The following MAGI1 variants were observed in gnomAD, a reference collection of about 807,000 sequenced individuals.
MAGI1 encodes the protein membrane-associated guanylate kinase, WW and PDZ domain-containing protein 1.
MAGI1 carries 58 observed loss-of-function variants against 139.9 expected under a neutral mutation model. That is an observed-to-expected ratio of 0.41 (90% confidence interval 0.34 to 0.52). The LOEUF (loss-of-function observed/expected upper bound fraction) is 0.52. MAGI1 is among the 20% of genes least tolerant of loss of function. The probability of loss-of-function intolerance (pLI) is 0.12; values close to 1 mark genes in which losing one functional copy is unlikely to be tolerated. For missense variants in MAGI1, 1,874 were observed against 1,901.6 expected (o/e 0.99, Z 0.27); for synonymous variants, 812 against 737.9 (o/e 1.10, Z -1.63).
intron 1 of MAGI1, among the ~76,000 whole-genome samples, chr3:65,783,465 T>A (rs746984183): frequency 6.6e-6 from 1 of 151,336 alleles, no homozygotes; most frequent in Non-Finnish European, 1.5e-5. Flanking sequence ...CTGGACAACA[T>A]AATGAGACTC....
intron 5 of MAGI1, among the ~76,000 whole-genome samples, chr3:65,456,923 T>C (rs1173972077): frequency 1.3e-5 from 2 of 152,206 alleles, no homozygotes; most frequent in East Asian, 3.9e-4. Context: ...TCTTTATTAT[T>C]GTGACTATAT....
intron 1 of MAGI1, among the ~76,000 whole-genome samples, chr3:65,958,630 T>C (rs1256121750): frequency 6.6e-6 from 1 of 152,168 alleles, no homozygotes; most frequent in Non-Finnish European, 1.5e-5. Context: ...GACAACAGAG[T>C]TCCGGGTAAT....
chr3:65,590,452 G>A (rs964090900), intron 2 of MAGI1, among the ~76,000 whole-genome samples: 10 of 152,002 alleles, frequency 6.6e-5, no homozygotes, highest in African/African-American at 2.2e-4. Flanking sequence ...GAATTCACTC[G>A]GTGCTCTTAA....
Position 65,375,797 on chromosome 3 carries a change from G to C in MAGI1, c.3144C>G (p.Asn1048Lys). 6.2e-7 allele frequency: 1 copy of C among 1,614,048 alleles called. No homozygotes were observed. Among genetic ancestry groups the C allele is most frequent in the Non-Finnish European group, 8.5e-7 (1 of 1,180,002 alleles). The change falls in exon 18 of 23, where the codon AAC becomes AAG. Residue 1048 changes from asparagine (N) to lysine (K), a missense_variant. Asn to Lys is a moderately conservative substitution (Grantham distance 94). Around this residue, in one of 5 missense-constraint regions of MAGI1, gnomAD observed 653 missense variants for 644.5 expected, o/e 1.01. Coordinates refer to ENST00000402939, the MANE Select transcript of MAGI1 (RefSeq NM_001033057.2). ...CTGTGTTTCCCGCTTCCTTGATTAG[G>C]TTCACAATGTCTGAATGGGATTTGT... ...ITNKSHSDIVNLIKEAGNTVT... is the reference protein window; with the variant it reads ...ITNKSHSDIVKLIKEAGNTVT...
chr3:65,389,949 C>T (rs187279055), intron 14 of MAGI1, among the ~76,000 whole-genome samples: 1 of 152,222 alleles, frequency 6.6e-6, no homozygotes, highest in Non-Finnish European at 1.5e-5. Flanking sequence ...CCTCTGCCCC[C>T]CAACTGCTGA....
At chr3:65,549,594 A>G (rs1490508990) in intron 2 of MAGI1, 1 of 475,256 alleles carries the variant, frequency 2.1e-6, no homozygotes, top group Non-Finnish European at 2.7e-6. Context: ...AGCGGCGTCA[A>G]TGCGCGCTAT....
At chr3:65,891,292 C>G (rs1175008885) in intron 1 of MAGI1, among the ~76,000 whole-genome samples, 1 of 151,066 alleles carries the variant, frequency 6.6e-6, no homozygotes, top group African/African-American at 2.4e-5. Flanking sequence ...ACATGGACAA[C>G]TACTTGCTCT....
At chr3:65,834,518 C>A (rs370614641) in intron 1 of MAGI1, among the ~76,000 whole-genome samples, 1 of 152,172 alleles carries the variant, frequency 6.6e-6, no homozygotes, top group Non-Finnish European at 1.5e-5. Flanking sequence ...TCTTGGTATA[C>A]GATCTGTAGG....
intron 22 of MAGI1, among the ~76,000 whole-genome samples, chr3:65,357,426 T>A (rs1027042919): frequency 6.6e-6 from 1 of 152,040 alleles, no homozygotes; most frequent in Non-Finnish European, 1.5e-5. Flanking sequence ...AAAGGCACAA[T>A]CCAAATAGTC....
intron 1 of MAGI1, among the ~76,000 whole-genome samples, chr3:66,002,117 A>G (rs2066773512): frequency 1.3e-5 from 2 of 152,224 alleles, no homozygotes; most frequent in African/African-American, 4.8e-5. Flanking sequence ...TCTCTTGGCA[A>G]TAAAGGGGCC....
chr3:65,493,959 A>G (rs901093769), intron 2 of MAGI1, among the ~76,000 whole-genome samples: 1 of 152,240 alleles, frequency 6.6e-6, no homozygotes, highest in South Asian at 2.1e-4. Context: ...CAACATTCAC[A>G]GTCAGCAGCT....
At chr3:65,494,560 G>A (rs985304589) in intron 2 of MAGI1, among the ~76,000 whole-genome samples, 4 of 152,170 alleles carry the variant, frequency 2.6e-5, no homozygotes, top group Non-Finnish European at 1.5e-5. Context: ...AGCAAAAAAT[G>A]TGACTTCTGC....
chr3:65,428,758 T>A (rs1947256380), intron 12 of MAGI1, among the ~76,000 whole-genome samples: 1 of 152,122 alleles, frequency 6.6e-6, no homozygotes, highest in South Asian at 2.1e-4. Context: ...CGTCTTGTGC[T>A]AAAAAGGTGA....
At chr3:65,900,505 T>C (rs1014093055) in intron 1 of MAGI1, among the ~76,000 whole-genome samples, 1 of 152,210 alleles carries the variant, frequency 6.6e-6, no homozygotes, top group African/African-American at 2.4e-5. Flanking sequence ...CATAATATAC[T>C]AGTACAGAAT....
chr3:65,600,211 A>G (rs999966523), intron 2 of MAGI1, among the ~76,000 whole-genome samples: 3 of 152,234 alleles, frequency 2.0e-5, no homozygotes, highest in Admixed American at 1.3e-4. Context: ...GAATCTGCAT[A>G]GAGACTTCCC....
intron 1 of MAGI1, among the ~76,000 whole-genome samples, chr3:65,957,874 T>C (rs2064213136): frequency 6.6e-6 from 1 of 152,132 alleles, no homozygotes; most frequent in Non-Finnish European, 1.5e-5. Flanking sequence ...GTTCAAGTGA[T>C]TCTCCTGCCT....
chr3:65,543,152 A>C (rs1430506016), intron 2 of MAGI1, among the ~76,000 whole-genome samples: 1 of 152,238 alleles, frequency 6.6e-6, no homozygotes, highest in African/African-American at 2.4e-5. Context: ...ACATGAAAAA[A>C]AGCTCATCAT....
chr3:65,484,949 G>A (rs749584108), intron 3 of MAGI1, among the ~76,000 whole-genome samples: 2 of 152,290 alleles, frequency 1.3e-5, no homozygotes, highest in Admixed American at 6.5e-5. Context: ...AAGAGGCCAG[G>A]AGCCACATCT....
chr3:65,620,706 C>T (rs1480167546), intron 2 of MAGI1, among the ~76,000 whole-genome samples: 2 of 152,234 alleles, frequency 1.3e-5, no homozygotes, highest in Non-Finnish European at 2.9e-5. Context: ...TTCACATTAA[C>T]ACATCATCAC....
Sources: allele counts gnomAD v4.1 joint callset (sites outside exome capture counted in the v4.1 genomes callset), GRCh38; gene constraint gnomAD v4.1.1; regional missense constraint gnomAD v4.1.1; transcripts MANE v1.5; gene names NCBI Gene and HGNC (gene_info 2026-07-23, HGNC 2026-07-21).